Variants in PPP1CC observed in about 807,000 individuals in gnomAD.
The protein encoded by PPP1CC is protein phosphatase 1 catalytic subunit gamma, also known as serine/threonine-protein phosphatase PP1-gamma catalytic subunit.
In PPP1CC, 16 loss-of-function variants were observed where a neutral mutation model predicts 38.4. The observed-to-expected ratio is 0.42, with a 90% CI of 0.28 to 0.63. PPP1CC has a LOEUF of 0.63. Ranked by LOEUF, PPP1CC falls within the 30% of genes least tolerant of loss-of-function variation. The probability of loss-of-function intolerance (pLI) is 0.25; values close to 1 mark genes in which losing one functional copy is unlikely to be tolerated. For synonymous variants in PPP1CC, 158 were observed against 136.0 expected, an observed-to-expected ratio of 1.16 and a Z score of -1.13; for missense variants, 170 against 391.3, an observed-to-expected ratio of 0.43 and a Z score of 4.77.
chr12:110,732,168 G>T (rs2069880129), intron 1 of PPP1CC: 2 of 531,014 alleles, frequency 3.8e-6, no homozygotes, highest in South Asian at 5.6e-5. Context: ...TTAGAAACAG[G>T]ACTGCAGGCC....
chr12:110,710,027 A>AT, the PPP1CC span, among the ~76,000 whole-genome samples: 2 of 151,176 alleles, frequency 1.3e-5, no homozygotes, highest in Admixed American at 1.3e-4. Context: ...AGTAATTAAA[A>AT]TTAAAAATTC....
At position 110,721,102 on chromosome 12, in the gene PPP1CC, T is replaced by C. The variant is rs2069734155; in HGVS notation, c.946A>G (p.Met316Val). 1 of 1,613,866 alleles carries C rather than the reference T, an allele frequency of 6.2e-7. No individual in the cohort carries two copies. The highest frequency in any genetic ancestry group is 1.3e-5 in the African/African-American group (1 of 75,048). Residue 316 changes from methionine to valine, a missense_variant, in exon 7 of 7, where the codon ATG (methionine) becomes GTG (valine). Coordinates refer to ENST00000335007, the MANE Select transcript of PPP1CC (RefSeq NM_002710.4). Reference sequence around the variant, plus strand: ...TATTTCTTTGCTTGCTTTGTGATCATACCCCTTGGAGGCGTTACAGGTCTC... The same window carrying C: ...TATTTCTTTGCTTGCTTTGTGATCACACCCCTTGGAGGCGTTACAGGTCTC... Reference protein sequence around the residue: ...ATRPVTPPRGMITKQAKK With the variant: ...ATRPVTPPRGVITKQAKK
chr12:110,724,983 G>C (rs865776510), intron 3 of PPP1CC: 9 of 326,654 alleles, frequency 2.8e-5, no homozygotes, highest in Middle Eastern at 1.0e-3. Context: ...CAGCACTTCG[G>C]GAGGCTGAGG....
At chr12:110,711,235 CAT>C in the PPP1CC span, among the ~76,000 whole-genome samples, 2 of 152,016 alleles carry the variant, frequency 1.3e-5, no homozygotes, top group Non-Finnish European at 2.9e-5. Context: ...TACAGAAATA[CAT>C]ATATTTCTCT....
At chr12:110,721,983 C>T (rs2069743995) in intron 6 of PPP1CC, 152 bp downstream of exon 6, 3 of 819,322 alleles carry the variant, frequency 3.7e-6, no homozygotes, top group Non-Finnish European at 5.4e-6. Flanking sequence ...GGGATCCACA[C>T]ATTATTCAAC....
At chr12:110,723,514 T>C (rs978959643) in intron 4 of PPP1CC, among the ~76,000 whole-genome samples, 1 of 152,130 alleles carries the variant, frequency 6.6e-6, no homozygotes, top group African/African-American at 2.4e-5. Context: ...AACATATATA[T>C]GTATATATTT....
In PPP1CC at chr12:110,720,299, A is replaced by G; in HGVS notation, c.*777T>C. 9.2e-7 allele frequency: 1 copy of G among 1,082,762 alleles called. No homozygotes were observed. The highest frequency in any genetic ancestry group is 1.3e-6 in the Non-Finnish European group (1 of 751,254). The allele number at this position is 1,082,762 out of a possible 1,614,324, so 67.1% of individuals were successfully genotyped here. On this transcript the variant is annotated 3_prime_UTR_variant, in exon 7 of 7. Coordinates refer to ENST00000335007, the MANE Select transcript of PPP1CC (RefSeq NM_002710.4). The stretch of plus-strand genomic sequence containing the variant: ...GTAGCTTAAACAGCACTATATCACT[A>G]ATTGCTATTCAAAATCAAAAACCTG...
Position 110,724,731 on chromosome 12 carries a change from GT to G in PPP1CC, c.451del (p.Thr151LeufsTer11). The G allele has an allele frequency of 6.2e-7, 1 of 1,608,528 alleles. No homozygotes were observed. The highest frequency in any genetic ancestry group is 2.2e-5 in the East Asian group (1 of 44,802). ...TAAACAGTTAAAACAGTCTGTGAAA[GT>G]TTTCCATAGTTTAATGTTGTATCTT... is the stretch of plus-strand genomic sequence containing the variant. ...KRRYNIKLWK[T>X]FTDCFNCLPI... On this transcript the variant is annotated frameshift_variant, in exon 4 of 7. Transcript: ENST00000335007. LOFTEE classifies it high-confidence loss of function.
the PPP1CC span, among the ~76,000 whole-genome samples, chr12:110,714,330 G>A: frequency 6.6e-6 from 1 of 151,964 alleles, no homozygotes; most frequent in African/African-American, 2.4e-5. Flanking sequence ...AGAGGAACAT[G>A]GGGCAGATCT....
chr12:110,739,366 T>G (rs183958773), intron 1 of PPP1CC, among the ~76,000 whole-genome samples: 4 of 150,996 alleles, frequency 2.6e-5, no homozygotes, highest in African/African-American at 9.7e-5. Flanking sequence ...TTACTTTTGT[T>G]TTTTTTTTTG....
downstream of PPP1CC, among the ~76,000 whole-genome samples, chr12:110,719,467 C>T (rs1362564927): frequency 6.6e-6 from 1 of 152,188 alleles, no homozygotes; most frequent in African/African-American, 2.4e-5. Context: ...AATTAAGATA[C>T]ATACTTGTGA....
At chr12:110,712,911 C>T in the PPP1CC span, among the ~76,000 whole-genome samples, 1 of 151,218 alleles carries the variant, frequency 6.6e-6, no homozygotes, top group Non-Finnish European at 1.5e-5. Context: ...ATCTCTACTA[C>T]AAAAATACAA....
the PPP1CC span, among the ~76,000 whole-genome samples, chr12:110,710,091 T>C: frequency 6.6e-6 from 1 of 151,646 alleles, no homozygotes; most frequent in African/African-American, 2.4e-5. Flanking sequence ...AACTAGAAGA[T>C]AGAGCTGAGG....
At chr12:110,723,289 C>G (rs1011524670) in intron 4 of PPP1CC, among the ~76,000 whole-genome samples, 3 of 150,180 alleles carry the variant, frequency 2.0e-5, no homozygotes, top group Non-Finnish European at 4.4e-5. Flanking sequence ...CTTATTGTAT[C>G]GAGTTACAAT....
chr12:110,724,964 C>A, intron 3 of PPP1CC, 200 bp from the exon 4 acceptor site: 2 of 360,188 alleles, frequency 5.6e-6, no homozygotes, highest in South Asian at 2.8e-5. Context: ...TGGGTCAGAC[C>A]TGTAATCCCA....
chr12:110,738,656 TATG>T (rs2069975669), intron 1 of PPP1CC, among the ~76,000 whole-genome samples: 1 of 152,210 alleles, frequency 6.6e-6, no homozygotes, highest in South Asian at 2.1e-4. Flanking sequence ...TTTGCCCAGT[TATG>T]AGGAGGAACA....
At position 110,742,863 on chromosome 12, in the gene PPP1CC, CCTT is replaced by C. The variant is rs1372548974; in HGVS notation, c.-159_-157del. 6.6e-6 allele frequency: 3 copies of C among 456,330 alleles called. No homozygotes were observed. The highest frequency in any genetic ancestry group is 7.1e-5 in the South Asian group (1 of 14,038). 28.3% of individuals were successfully genotyped at this position (456,330 alleles called of 1,614,324 possible). ...CCTGCCACCCCGCTCCCTACTTCCT[CCTT>C]CTCTCCCCACTGGAACCACGAGAAG... On this transcript the variant is annotated 5_prime_UTR_variant, in exon 1 of 7. Transcript: ENST00000335007.
intron 1 of PPP1CC, among the ~76,000 whole-genome samples, chr12:110,734,532 G>C (rs917829313): frequency 6.6e-6 from 1 of 152,034 alleles, no homozygotes. Flanking sequence ...TAGTACAGAT[G>C]GGGTTTCTCC....
At chr12:110,730,820 G>A (rs2069863263) in intron 2 of PPP1CC, 61 bp from the exon 3 acceptor site, 2 of 1,113,004 alleles carry the variant, frequency 1.8e-6, no homozygotes, top group Admixed American at 5.1e-5. Context: ...CACTAACAAA[G>A]CTTTGGAAAG....
Sources: allele counts gnomAD v4.1 joint callset (sites outside exome capture counted in the v4.1 genomes callset), GRCh38; gene constraint gnomAD v4.1.1; transcripts MANE v1.5; gene names NCBI Gene and HGNC (gene_info 2026-07-23, HGNC 2026-07-21).